Variants in AGBL1 observed in about 807,000 individuals in gnomAD.
The protein encoded by AGBL1 is cytosolic carboxypeptidase 4.
Under a neutral mutation model 118.9 loss-of-function variants are expected in AGBL1, and 130 were observed. That is an observed-to-expected ratio of 1.09 (90% CI 0.95 to 1.26). The LOEUF (loss-of-function observed/expected upper bound fraction) is 1.26. Ranked by LOEUF, AGBL1 falls within the 50% of genes most tolerant of loss-of-function variation. AGBL1 has a pLI of 0.00. For synonymous variants in AGBL1, 555 were observed against 478.9 expected, an observed-to-expected ratio of 1.16 and a Z score of -2.08; for missense variants, 1,584 against 1,298.1, an observed-to-expected ratio of 1.22 and a Z score of -3.38.
At chr15:86,133,009 G>A (rs971149175) in intron 1 of AGBL1, among the ~76,000 whole-genome samples, 1 of 152,176 alleles carries the variant, frequency 6.6e-6, no homozygotes, top group Non-Finnish European at 1.5e-5. Context: ...GACCCAGGCA[G>A]TAAGCTAAAC....
chr15:86,696,206 G>A (rs558908095), intron 22 of AGBL1, among the ~76,000 whole-genome samples: 1 of 152,012 alleles, frequency 6.6e-6, no homozygotes, highest in South Asian at 2.1e-4. Context: ...TTATTGTGTT[G>A]CTGTCTATCT....
At chr15:86,308,455 A>G (rs1274874869) in intron 17 of AGBL1, among the ~76,000 whole-genome samples, 1 of 152,154 alleles carries the variant, frequency 6.6e-6, no homozygotes, top group Non-Finnish European at 1.5e-5. Context: ...CCTTGTTGGC[A>G]CTCTGCTATC....
chr15:86,298,246 A>AATATATATATATAT (rs59968237), intron 17 of AGBL1, among the ~76,000 whole-genome samples: 970 of 69,474 alleles, frequency 0.014, 10 homozygotes, highest in African/African-American at 0.016. Context: ...GTCTGTGTAT[A>AATATATATATATAT]ATATATATAT....
chr15:86,949,433 G>A (rs145748143), intron 23 of AGBL1, among the ~76,000 whole-genome samples: 76 of 152,040 alleles, frequency 5.0e-4, no homozygotes, highest in African/African-American at 1.7e-3. Flanking sequence ...CAGGAAGAAG[G>A]CCACTGTTAA....
chr15:86,293,968 G>T (rs955674019), intron 16 of AGBL1, among the ~76,000 whole-genome samples: 1 of 152,116 alleles, frequency 6.6e-6, no homozygotes, highest in African/African-American at 2.4e-5. Context: ...TGCTACAGAG[G>T]GGGCAGTGTT....
intron 17 of AGBL1, among the ~76,000 whole-genome samples, chr15:86,391,774 C>T (rs564341794): frequency 1.3e-5 from 2 of 148,748 alleles, no homozygotes; most frequent in South Asian, 4.3e-4. Flanking sequence ...TCTTCTCTTG[C>T]CTTCCAAACG....
rs146845559 is a variant in AGBL1 at position 86,628,273 on chromosome 15, G to C, written c.2995-46000G>C. 5.2e-3 allele frequency among the ~76,000 whole-genome samples: 788 copies of C among 152,304 alleles called. 4 individuals carry two copies. Among genetic ancestry groups the C allele is most frequent in the African/African-American group, 0.018 (756 of 41,570 alleles). On this transcript the variant is annotated intron_variant, in intron 21 of 22. Transcript: ENST00000614907. ...ATGGTGCGGAGGCCACAGGTTCAGT[G>C]ATCATGCTTTGAGAACCCCTAGGCA... is the stretch of plus-strand genomic sequence containing the variant.
intron 17 of AGBL1, among the ~76,000 whole-genome samples, chr15:86,303,921 A>T (rs28528283): frequency 0.017 from 2,575 of 152,270 alleles, 78 homozygotes; most frequent in African/African-American, 0.06. Context: ...GATGAAATTG[A>T]GACCTGAGAA....
intron 22 of AGBL1, among the ~76,000 whole-genome samples, chr15:86,741,776 T>G (rs2077683661): frequency 6.6e-6 from 1 of 152,178 alleles, no homozygotes; most frequent in Non-Finnish European, 1.5e-5. Context: ...GCAGACATTT[T>G]TTTTTTAACC....
intron 21 of AGBL1, among the ~76,000 whole-genome samples, chr15:86,572,901 T>C (rs17681547): frequency 0.07 from 10,678 of 152,300 alleles, 427 homozygotes; most frequent in African/African-American, 0.12. Flanking sequence ...ACGGTTCAAG[T>C]CTTCAACATT....
At chr15:86,752,970 T>C (rs939805919) in intron 22 of AGBL1, among the ~76,000 whole-genome samples, 1 of 152,132 alleles carries the variant, frequency 6.6e-6, no homozygotes, top group Non-Finnish European at 1.5e-5. Flanking sequence ...AATTTATCTT[T>C]CCTTGCTCCC....
Position 86,645,468 on chromosome 15 carries a change from T to C in AGBL1, c.2995-28805T>C, listed in dbSNP as rs575541050. 4.1e-4 allele frequency among the ~76,000 whole-genome samples: 62 copies of C among 152,338 alleles called. 1 individual carries two copies. The highest frequency in any genetic ancestry group is 1.2e-3 in the Admixed American group (18 of 15,308). On this transcript the variant is annotated intron_variant, in intron 21 of 22. Coordinates refer to ENST00000614907, the MANE Select transcript of AGBL1 (RefSeq NM_001386094.1). ...TTTTTAATAACTGAGCAGTAGATTT[T>C]CTGTTGTGATTTTATTTAGCATATG...
At chr15:86,645,854 A>G (rs536618380) in intron 21 of AGBL1, among the ~76,000 whole-genome samples, 1 of 152,300 alleles carries the variant, frequency 6.6e-6, no homozygotes, top group Admixed American at 6.5e-5. Flanking sequence ...TTCCAAGCAG[A>G]TAGAATTCTG....
intron 17 of AGBL1, among the ~76,000 whole-genome samples, chr15:86,302,883 G>A (rs902279668): frequency 6.6e-6 from 1 of 152,020 alleles, no homozygotes; most frequent in African/African-American, 2.4e-5. Flanking sequence ...AAGTAAGTTG[G>A]GCTAAATGAT....
chr15:86,729,213 T>C (rs1280574125), intron 22 of AGBL1, among the ~76,000 whole-genome samples: 3 of 152,246 alleles, frequency 2.0e-5, no homozygotes, highest in South Asian at 4.1e-4. Flanking sequence ...CCACTATTAA[T>C]GTTAGGTTTT....
chr15:86,240,504 G>A (rs1385531569), intron 6 of AGBL1, among the ~76,000 whole-genome samples: 1 of 152,210 alleles, frequency 6.6e-6, no homozygotes, highest in Admixed American at 6.5e-5. Flanking sequence ...CAGGGTTTGA[G>A]AAGAGTGGTT....
intron 17 of AGBL1, among the ~76,000 whole-genome samples, chr15:86,377,786 T>C (rs937412788): frequency 2.0e-5 from 3 of 152,134 alleles, no homozygotes; most frequent in Non-Finnish European, 4.4e-5. Flanking sequence ...CACCAGGGAT[T>C]CAAGGACCTG....
intron 15 of AGBL1, among the ~76,000 whole-genome samples, 168 bp downstream of exon 15, chr15:86,271,874 T>G (rs1421687076): frequency 6.6e-6 from 1 of 152,236 alleles, no homozygotes; most frequent in East Asian, 1.9e-4. Context: ...TATAAGCATA[T>G]TCACTGGCAC....
intron 22 of AGBL1, among the ~76,000 whole-genome samples, chr15:86,766,304 T>C (rs1373592126): frequency 6.6e-6 from 1 of 151,952 alleles, no homozygotes; most frequent in Non-Finnish European, 1.5e-5. Context: ...CAATTTACAA[T>C]GTCACTCCAC....
Sources: gnomAD v4.1 joint callset for allele counts (sites outside exome capture counted in the v4.1 genomes callset) on GRCh38, gnomAD v4.1.1 for gene constraint, MANE v1.5 for transcripts, NCBI Gene and HGNC (gene_info 2026-07-23, HGNC 2026-07-21) for gene names.